RGS12: variants seen among roughly 807,000 people sequenced by gnomAD.
RGS12 encodes regulator of G protein signaling 12.
A neutral mutation model predicts 120.1 loss-of-function variants in RGS12; 66 were observed. That is an observed-to-expected ratio of 0.55 (90% CI 0.45 to 0.67). The LOEUF is 0.67. RGS12 is among the 30% of genes least tolerant of loss of function. RGS12 has a pLI of 0.00. For missense variants in RGS12, 1,859 were observed against 1,957.7 expected (o/e 0.95, Z 0.95); for synonymous variants, 827 against 804.7 (o/e 1.03, Z -0.47).
rs982815846 is a variant in RGS12, at chr4:3,318,135, T to G, written c.1881+84T>G. The G allele has an allele frequency of 4.3e-6, 5 of 1,168,264 alleles. No homozygotes were observed. In the African/African-American group the frequency reaches 7.9e-5, roughly 18 times the overall value. 72.4% of individuals were successfully genotyped at this position (1,168,264 alleles called of 1,614,324 possible). ...GGGAGGTGACTCCCAGTCACCAGCT[T>G]GCACAGTCCTGGCTTCCTCCTGCTG... On this transcript the variant is annotated intron_variant, in intron 2 of 17. Transcript: ENST00000336727.
chr4:3,312,430 A>G lies in RGS12; in HGVS notation c.-101-3640A>G, dbSNP rs1022963694. On this transcript the variant is annotated intron_variant, in intron 1 of 17. Transcript: ENST00000336727. ...TGGCCCCTTTGCCCACGTGGTGAAC[A>G]CTGTGGACCTGTGAGGGTGTGAGGG... The G allele has an allele frequency of 2.9e-5, 6 of 206,868 alleles. No individual in the cohort carries two copies. The East Asian group carries it at 6.8e-4, about 23-fold the overall frequency. 12.8% of individuals were successfully genotyped at this position (206,868 alleles called of 1,614,324 possible). A position where few individuals can be genotyped will look rare whatever the true frequency, so the allele number is the denominator to read the frequency against.
At chr4:3,419,546 C>G (rs1722776010) in intron 9 of RGS12, 1 of 152,088 alleles carries the variant, frequency 6.6e-6, no homozygotes, top group Non-Finnish European at 1.5e-5. Context: ...CGCCTGGTGG[C>G]TCATGCCTTT....
At chr4:3,417,733 G>C (rs1209534455) in intron 9 of RGS12, 192 bp downstream of exon 9, 1 of 613,102 alleles carries the variant, frequency 1.6e-6, no homozygotes, top group Non-Finnish European at 2.8e-6. Context: ...CAGCCAGCCA[G>C]AGGGCAGCAG....
intron 3 of RGS12, among the ~76,000 whole-genome samples, chr4:3,356,552 C>T (rs1399411318): frequency 6.6e-6 from 1 of 151,740 alleles, no homozygotes; most frequent in South Asian, 2.1e-4. Flanking sequence ...CCCCCAACCC[C>T]TGGCAGCCAC....
chr4:3,420,474 CAT>C (rs1722884750), intron 9 of RGS12, 166 bp from the exon 10 acceptor site: 11 of 677,360 alleles, frequency 1.6e-5, no homozygotes, highest in Admixed American at 9.4e-5. Flanking sequence ...TAGGAAGACA[CAT>C]GTGACTCGTC....
At chr4:3,331,622 A>G (rs1179633299) in intron 2 of RGS12, among the ~76,000 whole-genome samples, 1 of 152,182 alleles carries the variant, frequency 6.6e-6, no homozygotes, top group Non-Finnish European at 1.5e-5. Flanking sequence ...GTAAAAAAAA[A>G]AAAAGTGTGG....
At chr4:3,298,356 A>AT (rs1019655246) in intron 1 of RGS12, among the ~76,000 whole-genome samples, 6 of 150,106 alleles carry the variant, frequency 4.0e-5, no homozygotes, top group African/African-American at 9.7e-5. Flanking sequence ...TGTTTGTTCA[A>AT]TTTTTTTTTT....
chr4:3,343,165 C>A (rs867154148), intron 3 of RGS12, 112 bp downstream of exon 3: 288 of 698,436 alleles, frequency 4.1e-4, no homozygotes, highest in Non-Finnish European at 5.9e-4. Context: ...CTCCCCTCCT[C>A]CTCTGTAGTG....
At chr4:3,418,021 G>A (rs996183979) in intron 9 of RGS12, 2 of 155,586 alleles carry the variant, frequency 1.3e-5, no homozygotes, top group African/African-American at 4.8e-5. Context: ...TTACATGTGT[G>A]TGGTTTTTTA....
At chr4:3,295,697 CA>C (rs1486215523) in intron 1 of RGS12, among the ~76,000 whole-genome samples, 1 of 137,380 alleles carries the variant, frequency 7.3e-6, no homozygotes, top group East Asian at 2.2e-4. Flanking sequence ...ATCTCAAAAA[CA>C]AAGACAAACC....
intron 2 of RGS12, among the ~76,000 whole-genome samples, chr4:3,323,265 G>C (rs1273247937): frequency 6.6e-6 from 1 of 152,188 alleles, no homozygotes; most frequent in East Asian, 1.9e-4. Flanking sequence ...TGTGTTGGTG[G>C]GTGCTCATCA....
chr4:3,428,973 A>G (rs1162705034), intron 16 of RGS12, among the ~76,000 whole-genome samples: 4 of 152,338 alleles, frequency 2.6e-5, no homozygotes, highest in Admixed American at 2.6e-4. Flanking sequence ...GAGATGCCAG[A>G]GGCCCCCGCA....
At chr4:3,320,413 C>T (rs2857859) in intron 2 of RGS12, among the ~76,000 whole-genome samples, 35,176 of 152,112 alleles carry the variant, frequency 0.23, 4,643 homozygotes, top group South Asian at 0.35. Context: ...TTGGAAATAA[C>T]GGTGTGGCGG....
At chr4:3,413,823 T>G in intron 4 of RGS12, 1 of 476,226 alleles carries the variant, frequency 2.1e-6, no homozygotes, top group Admixed American at 3.4e-5. Context: ...CATGTGAACA[T>G]GTGTGTGTGC....
At chr4:3,332,589 C>T (rs185070769) in intron 2 of RGS12, among the ~76,000 whole-genome samples, 2 of 152,288 alleles carry the variant, frequency 1.3e-5, no homozygotes, top group East Asian at 3.9e-4. Flanking sequence ...GATTTGCATT[C>T]CCTTGCTTAT....
intron 17 of RGS12, among the ~76,000 whole-genome samples, chr4:3,435,029 C>T (rs891734786): frequency 2.0e-5 from 3 of 152,122 alleles, no homozygotes; most frequent in South Asian, 2.1e-4. Context: ...GAGGGGTCCC[C>T]GCATAGCTCT....
chr4:3,401,543 G>A (rs1450529996), intron 4 of RGS12, among the ~76,000 whole-genome samples: 1 of 152,232 alleles, frequency 6.6e-6, no homozygotes, highest in African/African-American at 2.4e-5. Flanking sequence ...GTGAGGAGGG[G>A]AGTTCTCACG....
At chr4:3,424,182 G>T (rs981650965) in intron 13 of RGS12, among the ~76,000 whole-genome samples, 8 of 152,276 alleles carry the variant, frequency 5.3e-5, no homozygotes, top group Non-Finnish European at 1.0e-4. Context: ...GGCAGGCCAC[G>T]CGAGATGGCG....
chr4:3,311,074 A>G (rs116147246), intron 1 of RGS12, among the ~76,000 whole-genome samples: 2,953 of 152,050 alleles, frequency 0.019, 82 homozygotes, highest in African/African-American at 0.057. Flanking sequence ...GGCGGCTGCC[A>G]TTGCAGCCCG....
Sources: gnomAD v4.1 joint callset for allele counts (sites outside exome capture counted in the v4.1 genomes callset) on GRCh38, gnomAD v4.1.1 for gene constraint, MANE v1.5 for transcripts, NCBI Gene and HGNC (gene_info 2026-07-23, HGNC 2026-07-21) for gene names.